BNIP3L: variants seen among roughly 807,000 people sequenced by gnomAD.
The protein encoded by BNIP3L is BCL2 interacting protein 3 like.
A neutral mutation model predicts 25.5 loss-of-function variants in BNIP3L; 10 were observed. The observed-to-expected ratio is 0.39, with a 90% CI of 0.24 to 0.67. The LOEUF (loss-of-function observed/expected upper bound fraction) is 0.67, where lower values mean the gene tolerates loss of function less well. Among genes scored for constraint, BNIP3L ranks in the 30% least tolerant of loss-of-function variants. The probability of loss-of-function intolerance (pLI) is 0.45; values close to 1 mark genes in which losing one functional copy is unlikely to be tolerated. For synonymous variants in BNIP3L, 113 were observed against 101.2 expected, an observed-to-expected ratio of 1.12 and a Z score of -0.70; for missense variants, 215 against 270.9, an observed-to-expected ratio of 0.79 and a Z score of 1.45.
At chr8:26,384,502 G>A (rs1208940017) in intron 1 of BNIP3L, among the ~76,000 whole-genome samples, 2 of 152,118 alleles carry the variant, frequency 1.3e-5, no homozygotes, top group African/African-American at 4.8e-5. Context: ...GTCTTTAAAC[G>A]TTACTTGTAT....
intron 1 of BNIP3L, 143 bp from the exon 2 acceptor site, chr8:26,391,100 C>A: frequency 1.6e-6 from 1 of 634,816 alleles, no homozygotes; most frequent in Non-Finnish European, 2.5e-6. Flanking sequence ...ACTTTTATTA[C>A]TTCTTATTTA....
intron 4 of BNIP3L, 40 bp from the exon 5 acceptor site, chr8:26,408,187 T>G: frequency 6.2e-7 from 1 of 1,612,126 alleles, no homozygotes; most frequent in Non-Finnish European, 8.5e-7. Context: ...CCCCACGATA[T>G]TTTCAGCAAA....
At chr8:26,405,041 T>C (rs1006104275) in intron 3 of BNIP3L, among the ~76,000 whole-genome samples, 1 of 152,194 alleles carries the variant, frequency 6.6e-6, no homozygotes, top group African/African-American at 2.4e-5. Flanking sequence ...TTGGGAAACT[T>C]ATGGAGTTCT....
chr8:26,395,108 TTC>T, intron 2 of BNIP3L, 120 bp from the exon 3 acceptor site: 6 of 898,884 alleles, frequency 6.7e-6, no homozygotes, highest in Non-Finnish European at 1.0e-5. Flanking sequence ...TTATGATATA[TTC>T]TCTGATTTGC....
intron 2 of BNIP3L, among the ~76,000 whole-genome samples, chr8:26,392,905 C>T (rs1806147658): frequency 6.6e-6 from 1 of 150,722 alleles, no homozygotes; most frequent in Non-Finnish European, 1.5e-5. Context: ...ACCTGCTTAC[C>T]TGTCTGTTCA....
intron 1 of BNIP3L, among the ~76,000 whole-genome samples, chr8:26,389,535 A>C (rs929909172): frequency 1.3e-5 from 2 of 152,236 alleles, no homozygotes; most frequent in African/African-American, 4.8e-5. Context: ...GTTTGGCAGC[A>C]GAGTCCTAAG....
chr8:26,387,213 C>T lies in BNIP3L; in HGVS notation c.100+3983C>T, dbSNP rs114806443. On this transcript the variant is annotated intron_variant, in intron 1 of 5. Transcript: ENST00000380629. ...ATGAGTATAATCACAATTATTGGAC[C>T]ACCCTTCACAGTCTATTATGTTAGA... Among the ~76,000 whole-genome samples, 598 of 152,228 alleles carry T rather than the reference C, an allele frequency of 3.9e-3. 1 individual carries two copies. The highest frequency in any genetic ancestry group is 0.013 in the African/African-American group (548 of 41,540).
At chr8:26,405,285 T>A (rs1806474671) in intron 3 of BNIP3L, among the ~76,000 whole-genome samples, 1 of 152,210 alleles carries the variant, frequency 6.6e-6, no homozygotes, top group South Asian at 2.1e-4. Context: ...TTGAGTATAG[T>A]CAGATATTGT....
chr8:26,389,054 T>A (rs1806051426), intron 1 of BNIP3L, among the ~76,000 whole-genome samples: 4 of 152,182 alleles, frequency 2.6e-5, no homozygotes, highest in Admixed American at 1.3e-4. Context: ...TCTCTTCGAT[T>A]GCCTACTTCA....
intron 4 of BNIP3L, 32 bp downstream of exon 4, chr8:26,408,135 A>G (rs572517609): frequency 6.2e-7 from 1 of 1,612,558 alleles, no homozygotes; most frequent in African/African-American, 1.3e-5. Context: ...GTCAGTGGAC[A>G]CAGTTGATCT....
At chr8:26,399,877 A>G (rs1806330015) in intron 3 of BNIP3L, among the ~76,000 whole-genome samples, 1 of 126,910 alleles carries the variant, frequency 7.9e-6, no homozygotes, top group South Asian at 2.8e-4. Flanking sequence ...GGACCTCTTC[A>G]AGGAGAACTA....
At chr8:26,405,496 C>T (rs1475557372) in intron 3 of BNIP3L, among the ~76,000 whole-genome samples, 1 of 152,184 alleles carries the variant, frequency 6.6e-6, no homozygotes, top group African/African-American at 2.4e-5. Context: ...TTGGTACTAA[C>T]AAGAGCAGCA....
chr8:26,411,401 T>C lies in BNIP3L; in HGVS notation c.*989T>C, dbSNP rs987273609. On this transcript the variant is annotated 3_prime_UTR_variant, in exon 6 of 6. Coordinates refer to ENST00000380629, the MANE Select transcript of BNIP3L (RefSeq NM_004331.3). ...GAAGCATCACCTATACTCTGAAGCCTTTAAACTCTGAAGAGAATTGTTTCA... is the reference window on the plus strand; with the variant it reads ...GAAGCATCACCTATACTCTGAAGCCCTTAAACTCTGAAGAGAATTGTTTCA... 3.3e-5 allele frequency: 5 copies of C among 152,252 alleles called. No individual in the cohort carries two copies. The highest frequency in any genetic ancestry group is 1.2e-4 in the African/African-American group (5 of 41,452). 9.4% of individuals were successfully genotyped at this position (152,252 alleles called of 1,614,324 possible). A position where few individuals can be genotyped will look rare whatever the true frequency, so the allele number is the denominator to read the frequency against.
intron 3 of BNIP3L, among the ~76,000 whole-genome samples, chr8:26,404,549 C>T (rs1396988880): frequency 6.6e-6 from 1 of 152,148 alleles, no homozygotes; most frequent in African/African-American, 2.4e-5. Context: ...TGAGATGGAC[C>T]TCACTCTGTC....
chr8:26,407,192 G>GTT (rs1806520286), intron 3 of BNIP3L, among the ~76,000 whole-genome samples: 4 of 149,532 alleles, frequency 2.7e-5, no homozygotes, highest in African/African-American at 4.9e-5. Flanking sequence ...GTTTTGTTTT[G>GTT]TTTTGTTTTT....
intron 3 of BNIP3L, among the ~76,000 whole-genome samples, chr8:26,404,967 A>C (rs1806465557): frequency 6.6e-6 from 1 of 152,280 alleles, no homozygotes; most frequent in African/African-American, 2.4e-5. Flanking sequence ...AGATTAATAA[A>C]AGGAAGCACA....
In BNIP3L at chr8:26,410,811, C is replaced by T. The variant is rs763466696; in HGVS notation, c.*399C>T. On this transcript the variant is annotated 3_prime_UTR_variant, in exon 6 of 6. Coordinates refer to ENST00000380629, the MANE Select transcript of BNIP3L (RefSeq NM_004331.3). ...CATAACTACCATCTCTCTCTTAAAA[C>T]GAGATCAGGTTAGCAAATGATGTAA... 7.4e-5 allele frequency: 12 copies of T among 161,336 alleles called. No individual in the cohort carries two copies. The highest frequency in any genetic ancestry group is 1.1e-4 in the Non-Finnish European group (8 of 73,698). 10.0% of individuals were successfully genotyped at this position (161,336 alleles called of 1,614,324 possible).
chr8:26,401,715 A>C (rs910500934), intron 3 of BNIP3L, among the ~76,000 whole-genome samples: 1 of 152,096 alleles, frequency 6.6e-6, no homozygotes, highest in African/African-American at 2.4e-5. Flanking sequence ...TTTTGAGATA[A>C]ATTTTAAATT....
rs1316356750 is a variant in BNIP3L at position 26,408,002 on chromosome 8, A to C, written c.360A>C (p.Ser120=). The C allele has an allele frequency of 6.2e-7, 1 of 1,613,622 alleles. No homozygotes were observed. The highest frequency in any genetic ancestry group is 8.5e-7 in the Non-Finnish European group (1 of 1,179,560). Reference sequence around the variant, plus strand: ...AAAGTTTGAATTCTTCTTTACAGTCAGAAGAAGAAGTTGTAGAAGGAGAGA... The same window carrying C: ...AAAGTTTGAATTCTTCTTTACAGTCCGAAGAAGAAGTTGTAGAAGGAGAGA... The part of the protein sequence containing the change: ...MHTSRDHSSQ[S]EEEVVEGEKE... The change falls in exon 4 of 6, where the codon TCA becomes TCC. Residue 120 remains serine, a splice_region_variant and synonymous_variant. Coordinates refer to ENST00000380629, the MANE Select transcript of BNIP3L (RefSeq NM_004331.3).
Sources: gnomAD v4.1 joint callset for allele counts (sites outside exome capture counted in the v4.1 genomes callset) on GRCh38, gnomAD v4.1.1 for gene constraint, MANE v1.5 for transcripts, NCBI Gene and HGNC (gene_info 2026-07-23, HGNC 2026-07-21) for gene names.